Variants in MRPL44 observed in about 807,000 individuals in gnomAD.
The protein encoded by MRPL44 is large ribosomal subunit protein mL44.
Under a neutral mutation model 25.9 loss-of-function variants are expected in MRPL44, and 21 were observed. The ratio of observed to expected loss-of-function variants is 0.81; its 90% CI spans 0.58 to 1.17. The LOEUF (loss-of-function observed/expected upper bound fraction) is 1.17, where lower values mean the gene tolerates loss of function less well. Among genes scored for constraint, MRPL44 ranks in the 50% most tolerant of loss-of-function variants. The pLI is 0.00. For synonymous variants in MRPL44, 169 were observed against 151.0 expected, an observed-to-expected ratio of 1.12 and a Z score of -0.87; for missense variants, 410 against 398.9, an observed-to-expected ratio of 1.03 and a Z score of -0.24.
chr2:223,958,639 T>A (rs992326269), intron 1 of MRPL44, among the ~76,000 whole-genome samples: 1 of 152,216 alleles, frequency 6.6e-6, no homozygotes, highest in Non-Finnish European at 1.5e-5. Flanking sequence ...CCTTTGTTTC[T>A]TAAAGGGGTT....
chr2:223,957,291 G>A (rs28364678), upstream of MRPL44: 2 of 674,172 alleles, frequency 3.0e-6, no homozygotes, highest in African/African-American at 1.8e-5. Flanking sequence ...CCTCAAGGCG[G>A]CCGCAATCAC....
intron 3 of MRPL44, among the ~76,000 whole-genome samples, chr2:223,965,493 C>T (rs568282233): frequency 1.3e-5 from 2 of 152,294 alleles, no homozygotes; most frequent in East Asian, 3.9e-4. Flanking sequence ...ATTAAACTTT[C>T]AGGAGATGCT....
At chr2:223,955,793 C>G (rs1204061450), upstream of MRPL44, among the ~76,000 whole-genome samples, 2 of 152,178 alleles carry the variant, frequency 1.3e-5, no homozygotes, top group African/African-American at 2.4e-5. Flanking sequence ...TGGCCTTTTT[C>G]TTCCTTAAAG....
chr2:223,953,480 A>C (rs1039463365), upstream of MRPL44, among the ~76,000 whole-genome samples: 2 of 152,182 alleles, frequency 1.3e-5, no homozygotes, highest in Admixed American at 6.5e-5. Context: ...GGTTAACTCT[A>C]ATCAAGAGGA....
intron 2 of MRPL44, among the ~76,000 whole-genome samples, chr2:223,963,172 G>A (rs912717462): frequency 6.6e-6 from 1 of 152,056 alleles, no homozygotes; most frequent in Non-Finnish European, 1.5e-5. Flanking sequence ...GGCAGGGTAC[G>A]GTGACTAATG....
rs1044097869 is a variant in MRPL44, at chr2:223,967,091, G to A, written c.*57G>A. On this transcript the variant is annotated 3_prime_UTR_variant, in exon 4 of 4. Coordinates refer to ENST00000258383, the MANE Select transcript of MRPL44 (RefSeq NM_022915.5). Reference sequence around the variant, plus strand: ...AGCGAAAGTGAGATAAATGTCAAAGGTGTTTCAAGCCAGACATTTTCACAA... The same window carrying A: ...AGCGAAAGTGAGATAAATGTCAAAGATGTTTCAAGCCAGACATTTTCACAA... 5.8e-5 allele frequency: 85 copies of A among 1,473,212 alleles called. No homozygotes were observed. Among genetic ancestry groups the A allele is most frequent in the Non-Finnish European group, 7.8e-5 (85 of 1,092,700 alleles). The allele number at this position is 1,473,212 out of a possible 1,614,324, so 91.3% of individuals were successfully genotyped here.
At chr2:223,966,554 ATATT>A (rs1420748539) in intron 3 of MRPL44, among the ~76,000 whole-genome samples, 2 of 152,146 alleles carry the variant, frequency 1.3e-5, no homozygotes, top group African/African-American at 4.8e-5. Flanking sequence ...TTGTAGGGAG[ATATT>A]TATTTACATA....
intron 2 of MRPL44, among the ~76,000 whole-genome samples, 195 bp from the exon 3 acceptor site, chr2:223,963,561 A>G (rs542681689): frequency 1.3e-5 from 2 of 152,182 alleles, no homozygotes; most frequent in South Asian, 2.1e-4. Context: ...GATTTTTGCA[A>G]TAAAATTAGT....
intron 2 of MRPL44, among the ~76,000 whole-genome samples, chr2:223,962,036 G>A (rs1483482715): frequency 1.3e-5 from 2 of 152,104 alleles, no homozygotes; most frequent in African/African-American, 4.8e-5. Flanking sequence ...TACTGAGAGT[G>A]GATGTAAGTT....
rs1379934382 is a variant in MRPL44 at position 223,959,947 on chromosome 2, T to A, written c.593T>A (p.Val198Asp). Residue 198 changes from valine (V) to aspartate (D), a missense_variant, in exon 2 of 4, where the codon GTT becomes GAT. Val to Asp is a radical substitution (Grantham distance 152). Transcript: ENST00000258383. ...PAVLQQTFFA[V>D]IGALLQSSGP... ...GTGTTACAGCAGACTTTCTTTGCAG[T>A]TATTGGAGCCCTGTTACAGAGCAGT... 6.2e-7 allele frequency: 1 copy of A among 1,614,168 alleles called. No individual in the cohort carries two copies. The highest frequency in any genetic ancestry group is 1.1e-5 in the South Asian group (1 of 91,092).
upstream of MRPL44, among the ~76,000 whole-genome samples, chr2:223,953,134 CTT>C (rs529578122): frequency 4.3e-5 from 6 of 139,448 alleles, no homozygotes. Flanking sequence ...TATCCAGATT[CTT>C]TTTTTTTTTT....
upstream of MRPL44, among the ~76,000 whole-genome samples, chr2:223,952,657 C>G (rs895302673): frequency 6.6e-6 from 1 of 152,150 alleles, no homozygotes; most frequent in African/African-American, 2.4e-5. Context: ...CACAGTGAAC[C>G]TAACTTGATA....
At chr2:223,956,649 A>T (rs932365158), upstream of MRPL44, among the ~76,000 whole-genome samples, 1 of 152,244 alleles carries the variant, frequency 6.6e-6, no homozygotes, top group Non-Finnish European at 1.5e-5. Context: ...GGGGACACAG[A>T]TGCCTTTAAC....
intron 3 of MRPL44, 50 bp from the exon 4 acceptor site, chr2:223,966,813 G>C: frequency 6.4e-7 from 1 of 1,558,464 alleles, no homozygotes; most frequent in Non-Finnish European, 8.8e-7. Context: ...TTTGTGTACT[G>C]TCTTACAATA....
chr2:223,953,867 T>A (rs1483032917), upstream of MRPL44, among the ~76,000 whole-genome samples: 1 of 152,254 alleles, frequency 6.6e-6, no homozygotes, highest in Non-Finnish European at 1.5e-5. Flanking sequence ...AATATTATAG[T>A]CATAGTGGTC....
In MRPL44 at chr2:223,957,575, T is replaced by G. The variant is rs889706283; in HGVS notation, c.103T>G (p.Phe35Val). Residue 35 changes from phenylalanine (F) to valine (V), a missense_variant, in exon 1 of 4, where the codon TTC becomes GTC. Physicochemically the swap from Phe to Val is conservative, Grantham distance 50. Transcript: ENST00000258383. ...VPPVRGVKKG[F>V]RAAFRFQKEL... Reference sequence around the variant, plus strand: ...TCCGGTTCGGGGAGTGAAGAAGGGATTCCGCGCCGCCTTCCGCTTCCAGAA... The same window carrying G: ...TCCGGTTCGGGGAGTGAAGAAGGGAGTCCGCGCCGCCTTCCGCTTCCAGAA... 7 of 1,613,746 alleles carry G rather than the reference T, an allele frequency of 4.3e-6. No homozygotes were observed. Among genetic ancestry groups the G allele is most frequent in the Non-Finnish European group, 5.1e-6 (6 of 1,180,016 alleles).
rs144664517 is a variant in MRPL44 at position 223,960,173 on chromosome 2, T to A, written c.648+171T>A. Among the ~76,000 whole-genome samples, 1,398 of 152,304 alleles carry A rather than the reference T, an allele frequency of 9.2e-3. 22 individuals are homozygous for A. Among genetic ancestry groups the A allele is most frequent in the African/African-American group, 0.032 (1,347 of 41,544 alleles). ...TGTAATTATTCCAGTTGTCTCTTAT[T>A]ATGGATATCATCAGAAGTGAATATT... On this transcript the variant is annotated intron_variant, in intron 2 of 3. Coordinates refer to ENST00000258383, the MANE Select transcript of MRPL44 (RefSeq NM_022915.5).
At chr2:223,957,763 T>C in intron 1 of MRPL44, 112 bp downstream of exon 1, 1 of 1,258,572 alleles carries the variant, frequency 7.9e-7, no homozygotes, top group Non-Finnish European at 1.1e-6. Context: ...CTTAGGAAGT[T>C]TGCGATGGAG....
At chr2:223,951,483 T>TTTTTTTTTG in the MRPL44 span, among the ~76,000 whole-genome samples, 5 of 140,318 alleles carry the variant, frequency 3.6e-5, no homozygotes, top group African/African-American at 1.5e-4. Context: ...TTGGAGTTTT[T>TTTTTTTTTG]TTTTTTTTTT....
Sources: allele counts gnomAD v4.1 joint callset (sites outside exome capture counted in the v4.1 genomes callset), GRCh38; gene constraint gnomAD v4.1.1; transcripts MANE v1.5; gene names NCBI Gene and HGNC (gene_info 2026-07-23, HGNC 2026-07-21).